SGSM1: variants seen among roughly 807,000 people sequenced by gnomAD.
SGSM1 encodes the protein RUN and TBC1 domain containing 2.
SGSM1 carries 73 observed loss-of-function variants against 133.8 expected under a neutral mutation model. That is an observed-to-expected ratio of 0.55 (90% confidence interval 0.45 to 0.66). The LOEUF (loss-of-function observed/expected upper bound fraction) is 0.66. Among genes scored for constraint, SGSM1 ranks in the 30% least tolerant of loss-of-function variants. The probability of loss-of-function intolerance (pLI) is 0.00; values close to 1 mark genes in which losing one functional copy is unlikely to be tolerated. For synonymous variants in SGSM1, 563 were observed against 573.0 expected, an observed-to-expected ratio of 0.98 and a Z score of 0.25; for missense variants, 1,213 against 1,448.1, an observed-to-expected ratio of 0.84 and a Z score of 2.64.
chr22:24,883,798 AAT>A (rs766860112), intron 14 of SGSM1, among the ~76,000 whole-genome samples: 12 of 152,192 alleles, frequency 7.9e-5, no homozygotes, highest in Non-Finnish European at 1.5e-4. Flanking sequence ...CTCTACAAAA[AAT>A]AAAAAATTAG....
intron 1 of SGSM1, 35 bp from the exon 2 acceptor site, chr22:24,806,406 C>G: frequency 6.6e-7 from 1 of 1,521,950 alleles, no homozygotes; most frequent in Middle Eastern, 1.8e-4. Flanking sequence ...CACCCTCTCT[C>G]GGCTGACCCG....
chr22:24,847,611 T>G, intron 3 of SGSM1, 23 bp from the exon 4 acceptor site: 1 of 1,610,394 alleles, frequency 6.2e-7, no homozygotes, highest in Non-Finnish European at 8.5e-7. Flanking sequence ...GGGCAGGGTC[T>G]GCTGACTGCC....
chr22:24,844,682 T>C, intron 2 of SGSM1: 1 of 554,068 alleles, frequency 1.8e-6, no homozygotes, highest in Non-Finnish European at 3.2e-6. Flanking sequence ...GTGAAGAACC[T>C]GAACGAATAA....
chr22:24,913,901 A>G (rs1033843445), intron 22 of SGSM1, among the ~76,000 whole-genome samples: 1 of 152,088 alleles, frequency 6.6e-6, no homozygotes, highest in Non-Finnish European at 1.5e-5. Context: ...TCATGCCTGT[A>G]ATCCCAACAC....
chr22:24,854,881 G>C, intron 5 of SGSM1, 115 bp from the exon 6 acceptor site: 1 of 716,706 alleles, frequency 1.4e-6, no homozygotes, highest in Non-Finnish European at 2.4e-6. Context: ...TTACAGATGG[G>C]GCAGCTGAGG....
chr22:24,917,620 T>A (rs777893754), intron 22 of SGSM1, 38 bp from the exon 23 acceptor site: 1 of 1,547,432 alleles, frequency 6.5e-7, no homozygotes, highest in Non-Finnish European at 8.9e-7. Context: ...CTCCAACCTT[T>A]TCCCAGGAGG....
intron 9 of SGSM1, 87 bp downstream of exon 9, chr22:24,859,927 G>A: frequency 6.4e-7 from 1 of 1,554,970 alleles, no homozygotes; most frequent in South Asian, 1.2e-5. Context: ...GGGGAGGTTT[G>A]TATCCCGCCC....
chr22:24,808,159 G>T (rs1160227065), intron 2 of SGSM1, among the ~76,000 whole-genome samples: 3 of 149,764 alleles, frequency 2.0e-5, no homozygotes, highest in Non-Finnish European at 4.4e-5. Flanking sequence ...TGTTGCCCAG[G>T]ATAGAGTACA....
intron 2 of SGSM1, among the ~76,000 whole-genome samples, chr22:24,817,143 G>A (rs1244047443): frequency 6.6e-6 from 1 of 152,170 alleles, no homozygotes; most frequent in East Asian, 1.9e-4. Context: ...GGCTGAGGGC[G>A]CCTGCATTTG....
At chr22:24,855,919 A>G (rs1331955027) in intron 8 of SGSM1, 2 of 684,520 alleles carry the variant, frequency 2.9e-6, no homozygotes, top group Non-Finnish European at 5.2e-6. Flanking sequence ...ACAACCATCC[A>G]TCCATCCACC....
chr22:24,882,106 C>T (rs1449968873), intron 14 of SGSM1, among the ~76,000 whole-genome samples: 8 of 152,066 alleles, frequency 5.3e-5, no homozygotes, highest in Non-Finnish European at 8.8e-5. Context: ...GACAGGGTCT[C>T]GCCTTGTCAC....
At chr22:24,905,074 T>C in intron 20 of SGSM1, 31 bp from the exon 21 acceptor site, 1 of 1,605,068 alleles carries the variant, frequency 6.2e-7, no homozygotes, top group Non-Finnish European at 8.5e-7. Flanking sequence ...AGGCCACGGC[T>C]GCCATCATTG....
intron 8 of SGSM1, among the ~76,000 whole-genome samples, chr22:24,857,428 A>G (rs1035028197): frequency 2.1e-5 from 3 of 144,712 alleles, no homozygotes; most frequent in African/African-American, 7.7e-5. Context: ...AAAAAAAGCT[A>G]TTTAGATTAT....
In SGSM1 at chr22:24,844,633, C is replaced by T. The variant is rs142889884; in HGVS notation, c.64-264C>T. ...ACAGTGTGGTCAGGAAAGGAGATGACGTTTTGTGAGATGCCTAAGAGAAGC... is the reference window on the plus strand; with the variant it reads ...ACAGTGTGGTCAGGAAAGGAGATGATGTTTTGTGAGATGCCTAAGAGAAGC... On this transcript the variant is annotated intron_variant, in intron 2 of 24. Transcript: ENST00000400358. The T allele has an allele frequency of 1.5e-3, 720 of 468,696 alleles. 2 individuals carry two copies. The highest frequency in any genetic ancestry group is 4.7e-3 in the Middle Eastern group (8 of 1,716). The allele number at this position is 468,696 out of a possible 1,614,324, so 29.0% of individuals were successfully genotyped here.
At chr22:24,849,312 G>T (rs558946276) in intron 4 of SGSM1, among the ~76,000 whole-genome samples, 94 of 152,046 alleles carry the variant, frequency 6.2e-4, no homozygotes, top group African/African-American at 2.2e-3. Context: ...CCAGCACTTT[G>T]GGAGGCCAAG....
intron 23 of SGSM1, among the ~76,000 whole-genome samples, chr22:24,918,227 G>A (rs1361173633): frequency 2.6e-5 from 4 of 152,142 alleles, no homozygotes; most frequent in Non-Finnish European, 4.4e-5. Context: ...GACATGGGCC[G>A]GGTGCAGTGG....
intron 21 of SGSM1, among the ~76,000 whole-genome samples, chr22:24,908,544 T>C (rs1933494528): frequency 1.3e-5 from 2 of 152,158 alleles, no homozygotes; most frequent in South Asian, 4.1e-4. Flanking sequence ...GGCTCACGCC[T>C]GTAATCCCAG....
At chr22:24,895,882 C>A (rs1280667800) in intron 18 of SGSM1, among the ~76,000 whole-genome samples, 1 of 152,020 alleles carries the variant, frequency 6.6e-6, no homozygotes, top group Non-Finnish European at 1.5e-5. Context: ...CCTGTCTCTA[C>A]AAAAAATACG....
At position 24,835,313 on chromosome 22, in the gene SGSM1, G is replaced by A. The variant is rs1056191971; in HGVS notation, c.64-9584G>A. On this transcript the variant is annotated intron_variant, in intron 2 of 24. Transcript: ENST00000400358. Reference sequence around the variant, plus strand: ...CTATGCTAAATGCTTTACCTGCGTCGCCTCATCTAAACCTCCCCATTCATT... The same window carrying A: ...CTATGCTAAATGCTTTACCTGCGTCACCTCATCTAAACCTCCCCATTCATT... Among the ~76,000 whole-genome samples the A allele has an allele frequency of 3.9e-5, 6 of 152,148 alleles. 1 individual carries two copies. In the South Asian group the frequency reaches 1.2e-3, roughly 32 times the overall value.
Sources: gnomAD v4.1 joint callset for allele counts (sites outside exome capture counted in the v4.1 genomes callset) on GRCh38, gnomAD v4.1.1 for gene constraint, MANE v1.5 for transcripts, NCBI Gene and HGNC (gene_info 2026-07-23, HGNC 2026-07-21) for gene names.